Variants in PELI1 observed in about 807,000 individuals in gnomAD.
PELI1 encodes the protein pellino E3 ubiquitin protein ligase 1.
PELI1 carries 15 observed loss-of-function variants against 41.3 expected under a neutral mutation model. The ratio of observed to expected loss-of-function variants is 0.36; its 90% confidence interval spans 0.24 to 0.56. The LOEUF (loss-of-function observed/expected upper bound fraction) is 0.56, where lower values mean the gene tolerates loss of function less well. PELI1 is among the 20% of genes least tolerant of loss of function. PELI1 has a pLI of 0.82. For synonymous variants in PELI1, 178 were observed against 180.1 expected (o/e 0.99, Z 0.09); for missense variants, 403 against 525.5 (o/e 0.77, Z 2.28).
intron 1 of PELI1, among the ~76,000 whole-genome samples, chr2:64,119,352 T>TAA (rs1264501537): frequency 6.6e-6 from 1 of 152,180 alleles, no homozygotes; most frequent in East Asian, 1.9e-4. Flanking sequence ...ATGTGACACT[T>TAA]AAAATGAAGC....
chr2:64,124,582 TG>T (rs1289201617), intron 1 of PELI1, among the ~76,000 whole-genome samples: 2 of 152,352 alleles, frequency 1.3e-5, no homozygotes, highest in East Asian at 3.9e-4. Context: ...CTTTCCCAAA[TG>T]AAGTGCTTTT....
rs1187909928 is a variant in PELI1 at position 64,108,245 on chromosome 2, G to A, written c.66C>T (p.Val22=). The A allele has an allele frequency of 1.3e-6, 2 of 1,555,464 alleles. No homozygotes were observed. Among genetic ancestry groups the A allele is most frequent in the Admixed American group, 3.3e-5 (2 of 59,896 alleles). Residue 22 remains valine, a synonymous_variant, in exon 2 of 7, where the codon GTC becomes GTT. Coordinates refer to ENST00000358912, the MANE Select transcript of PELI1 (RefSeq NM_020651.4). ...KAPVKYGELI[V]LGYNGSLPNG... is the part of the protein sequence containing the mutation. ...ATCAAATGGAGAAACCTTACCCTAA[G>A]ACAATGAGTTCACCATATTTTACTG...
At chr2:64,126,346 T>G (rs1681382841) in intron 1 of PELI1, among the ~76,000 whole-genome samples, 1 of 152,180 alleles carries the variant, frequency 6.6e-6, no homozygotes, top group Non-Finnish European at 1.5e-5. Context: ...GTATTTTTAG[T>G]AGAGACGGGG....
chr2:64,108,929 C>T (rs969765561), intron 1 of PELI1, among the ~76,000 whole-genome samples: 1 of 152,222 alleles, frequency 6.6e-6, no homozygotes, highest in Admixed American at 6.5e-5. Context: ...TGCTCCACTC[C>T]AGCCAAACCC....
intron 3 of PELI1, among the ~76,000 whole-genome samples, chr2:64,103,732 C>A (rs1455361306): frequency 6.6e-6 from 1 of 152,168 alleles, no homozygotes; most frequent in Admixed American, 6.5e-5. Flanking sequence ...GAAGCTGCAA[C>A]CTAAAACCAC....
chr2:64,143,916 C>T (rs1029219156), intron 1 of PELI1, among the ~76,000 whole-genome samples, 165 bp downstream of exon 1: 1 of 151,340 alleles, frequency 6.6e-6, no homozygotes, highest in Admixed American at 6.6e-5. Context: ...GGGATGCAGG[C>T]GCCGCAAACT....
rs904384056 is a variant in PELI1, at chr2:64,094,983, G to A, written c.976C>T (p.Arg326Cys). ...GYHNWGNKEE[R>C]DGKDRECPMC... The stretch of plus-strand genomic sequence containing the variant: ...GGACATTCACGATCTTTTCCATCAC[G>A]TTCTTCTTTGTTTCCCCAGTTATGA... Residue 326 changes from arginine to cysteine, a missense_variant, in exon 7 of 7, where the codon CGT (arginine) becomes TGT (cysteine). By Grantham distance (180) the Arg-to-Cys change is radical. Coordinates refer to ENST00000358912, the MANE Select transcript of PELI1 (RefSeq NM_020651.4). 8 of 1,614,196 alleles carry A rather than the reference G, an allele frequency of 5.0e-6. No individual in the cohort carries two copies. Among genetic ancestry groups the A allele is most frequent in the African/African-American group, 1.3e-5 (1 of 75,048 alleles).
chr2:64,109,876 G>A (rs890877568), intron 1 of PELI1, among the ~76,000 whole-genome samples: 1 of 152,184 alleles, frequency 6.6e-6, no homozygotes, highest in Admixed American at 6.5e-5. Flanking sequence ...AGACCCGTGC[G>A]TGAGACTATA....
chr2:64,095,160 G>A lies in PELI1; in HGVS notation c.799C>T (p.His267Tyr), dbSNP rs760214470. The A allele has an allele frequency of 6.2e-7, 1 of 1,614,136 alleles. No individual in the cohort carries two copies. Among genetic ancestry groups the A allele is most frequent in the Non-Finnish European group, 8.5e-7 (1 of 1,179,962 alleles). ...EGLSHTPTVK[H>Y]LEALRQEINA... ...ATTTCCTGTCTTAAAGCTTCTAAAT[G>A]CTTCACGGTAGGAGTGTGGGAAAGG... The change falls in exon 7 of 7, where the codon CAT becomes TAT. Residue 267 changes from histidine to tyrosine, a missense_variant. Physicochemically the swap from His to Tyr is moderately conservative, Grantham distance 83 (BLOSUM62 2). Coordinates refer to ENST00000358912, the MANE Select transcript of PELI1 (RefSeq NM_020651.4).
At chr2:64,104,595 T>C (rs1444751720) in intron 3 of PELI1, 106 bp downstream of exon 3, 6 of 1,377,574 alleles carry the variant, frequency 4.4e-6, no homozygotes, top group Non-Finnish European at 5.6e-6. Context: ...CAAAAGGCAA[T>C]TTCTGAAATA....
rs775143405 is a variant in PELI1, at chr2:64,096,293, C to A, written c.522G>T (p.Lys174Asn). The change falls in exon 6 of 7, where the codon AAG becomes AAT. Residue 174 changes from lysine to asparagine, a missense_variant. Coordinates refer to ENST00000358912, the MANE Select transcript of PELI1 (RefSeq NM_020651.4). ...AGCCATCCATCTGTCCATCTGATGTCTTCCATTTGGCAGCCTTCTCCTAGT... is the reference window on the plus strand; with the variant it reads ...AGCCATCCATCTGTCCATCTGATGTATTCCATTTGGCAGCCTTCTCCTAGT... Reference protein sequence around the residue: ...IFLGEKAAKWKTSDGQMDGLT... With the variant: ...IFLGEKAAKWNTSDGQMDGLT... 2.4e-5 allele frequency: 39 copies of A among 1,613,868 alleles called. No homozygotes were observed. Among genetic ancestry groups the A allele is most frequent in the Non-Finnish European group, 3.1e-5 (36 of 1,179,852 alleles).
At chr2:64,116,109 T>C (rs779075223) in intron 1 of PELI1, among the ~76,000 whole-genome samples, 1 of 152,146 alleles carries the variant, frequency 6.6e-6, no homozygotes, top group Non-Finnish European at 1.5e-5. Flanking sequence ...ACATTAGAAG[T>C]GAGTCCAGAC....
At chr2:64,120,825 T>C (rs988039667) in intron 1 of PELI1, among the ~76,000 whole-genome samples, 1 of 152,230 alleles carries the variant, frequency 6.6e-6, no homozygotes, top group Non-Finnish European at 1.5e-5. Flanking sequence ...TTGGTGGTGC[T>C]AAGTTTATCT....
chr2:64,137,883 T>C (rs554893856), intron 1 of PELI1, among the ~76,000 whole-genome samples: 3 of 152,344 alleles, frequency 2.0e-5, no homozygotes, highest in East Asian at 1.9e-4. Flanking sequence ...AATTTTTTTT[T>C]CTAAAAATAT....
intron 1 of PELI1, 114 bp from the exon 2 acceptor site, chr2:64,108,493 T>C (rs1576079011): frequency 4.0e-6 from 2 of 500,874 alleles, no homozygotes; most frequent in East Asian, 6.4e-5. Flanking sequence ...TCACAAGGTA[T>C]ATACATTTTA....
chr2:64,096,056 A>AC lies in PELI1; in HGVS notation c.690+68_690+69insG, dbSNP rs1176446329. 3 of 1,023,520 alleles carry AC rather than the reference A, an allele frequency of 2.9e-6. No homozygotes were observed. The African/African-American group carries it at 4.8e-5, about 16-fold the overall frequency. 63.4% of individuals were successfully genotyped at this position (1,023,520 alleles called of 1,614,324 possible). ...TTTAAGAGTTTTCTGGAATGTATGT[A>AC]ATGCATTCAGTTCTACTCATCCTAT... On this transcript the variant is annotated intron_variant, in intron 6 of 6. Coordinates refer to ENST00000358912, the MANE Select transcript of PELI1 (RefSeq NM_020651.4).
chr2:64,109,008 C>T (rs1301084162), intron 1 of PELI1, among the ~76,000 whole-genome samples: 1 of 152,202 alleles, frequency 6.6e-6, no homozygotes, highest in Non-Finnish European at 1.5e-5. Flanking sequence ...ACTTCCAGCT[C>T]ATAAACCATA....
intron 2 of PELI1, among the ~76,000 whole-genome samples, chr2:64,105,644 ACAGACT>A (rs1680594151): frequency 6.6e-6 from 1 of 152,244 alleles, no homozygotes; most frequent in Non-Finnish European, 1.5e-5. Flanking sequence ...ACATTAGGAA[ACAGACT>A]CAGAAGAATT....
At chr2:64,108,521 T>A (rs969796682) in intron 1 of PELI1, 142 bp from the exon 2 acceptor site, 1 of 478,628 alleles carries the variant, frequency 2.1e-6, no homozygotes, top group Non-Finnish European at 3.7e-6. Context: ...TTTTGCCCAA[T>A]AATGATTATA....
Sources: allele counts gnomAD v4.1 joint callset (sites outside exome capture counted in the v4.1 genomes callset), GRCh38; gene constraint gnomAD v4.1.1; transcripts MANE v1.5; gene names NCBI Gene and HGNC (gene_info 2026-07-23, HGNC 2026-07-21).